Variants in PHACTR3 observed in about 807,000 individuals in gnomAD.
PHACTR3 encodes the protein protein phosphatase 1, regulatory subunit 123.
Under a neutral mutation model 66.8 loss-of-function variants are expected in PHACTR3, and 16 were observed. The observed-to-expected ratio is 0.24, with a 90% CI of 0.16 to 0.36. The LOEUF (loss-of-function observed/expected upper bound fraction) is 0.36. PHACTR3 is among the 10% of genes least tolerant of loss of function. The pLI is 1.00. For synonymous variants in PHACTR3, 323 were observed against 292.1 expected (o/e 1.11, Z -1.08); for missense variants, 647 against 719.9 (o/e 0.90, Z 1.16).
intron 1 of PHACTR3, among the ~76,000 whole-genome samples, chr20:59,704,632 T>G (rs2037633740): frequency 6.6e-6 from 1 of 150,696 alleles, no homozygotes; most frequent in Non-Finnish European, 1.5e-5. Flanking sequence ...TTTTTTACAT[T>G]ATACTAAATT....
At position 59,823,527 on chromosome 20, in the gene PHACTR3, G is replaced by A. The variant is rs527678110; in HGVS notation, c.1329-12978G>A. Among the ~76,000 whole-genome samples the A allele has an allele frequency of 2.0e-4, 31 of 152,320 alleles. No individual in the cohort carries two copies. The South Asian group carries it at 2.1e-3, about 10-fold the overall frequency. Reference sequence around the variant, plus strand: ...CCATACAGATGTCACTTGTTTGGCCGTCACTTTGAGGTAGAATCCAAGGAC... The same window carrying A: ...CCATACAGATGTCACTTGTTTGGCCATCACTTTGAGGTAGAATCCAAGGAC... On this transcript the variant is annotated intron_variant, in intron 8 of 12. Coordinates refer to ENST00000371015, the MANE Select transcript of PHACTR3 (RefSeq NM_080672.5).
intron 1 of PHACTR3, among the ~76,000 whole-genome samples, chr20:59,680,913 C>T (rs1178126016): frequency 6.6e-6 from 1 of 152,196 alleles, no homozygotes; most frequent in South Asian, 2.1e-4. Context: ...TTGGAACACA[C>T]ATTCAGGTGC....
At chr20:59,578,028 C>T (rs2032763187) in intron 1 of PHACTR3, among the ~76,000 whole-genome samples, 1 of 152,252 alleles carries the variant, frequency 6.6e-6, no homozygotes, top group African/African-American at 2.4e-5. Context: ...ATGGACAGCG[C>T]TGGCCACCCA....
intron 1 of PHACTR3, among the ~76,000 whole-genome samples, chr20:59,634,748 T>C (rs892491395): frequency 1.4e-4 from 21 of 152,340 alleles, no homozygotes; most frequent in Middle Eastern, 3.4e-3. Flanking sequence ...CAGAACGTCC[T>C]GTGATGATGG....
intron 7 of PHACTR3, among the ~76,000 whole-genome samples, chr20:59,775,484 G>A (rs1202983847): frequency 1.3e-5 from 2 of 152,120 alleles, no homozygotes; most frequent in African/African-American, 2.4e-5. Flanking sequence ...TGGATAGACC[G>A]GCAGCCCAGG....
intron 12 of PHACTR3, among the ~76,000 whole-genome samples, chr20:59,845,903 T>C (rs2059138996): frequency 6.6e-6 from 1 of 152,210 alleles, no homozygotes; most frequent in African/African-American, 2.4e-5. Context: ...ATGCAAGGGA[T>C]GACACTGGGC....
At position 59,798,834 on chromosome 20, in the gene PHACTR3, C is replaced by G. The variant is rs77765056; in HGVS notation, c.1175-7207C>G. 3.7e-3 allele frequency among the ~76,000 whole-genome samples: 564 copies of G among 151,914 alleles called. 2 individuals are homozygous for G. The highest frequency in any genetic ancestry group is 6.6e-3 in the Non-Finnish European group (446 of 67,890). On this transcript the variant is annotated intron_variant, in intron 7 of 12. Transcript: ENST00000371015. ...TGGTTTCTGCTTTGATCCTTATTATCTTTTTCTTCTACTCTTGTGGTTTAT... is the reference window on the plus strand; with the variant it reads ...TGGTTTCTGCTTTGATCCTTATTATGTTTTTCTTCTACTCTTGTGGTTTAT...
At chr20:59,602,942 G>C (rs1051681858), upstream of PHACTR3, among the ~76,000 whole-genome samples, 1 of 152,186 alleles carries the variant, frequency 6.6e-6, no homozygotes, top group South Asian at 2.1e-4. Flanking sequence ...TGTAACCTGG[G>C]CAAGAGTGCT....
intron 1 of PHACTR3, among the ~76,000 whole-genome samples, chr20:59,724,638 G>C (rs1257296185): frequency 6.6e-6 from 1 of 152,158 alleles, no homozygotes; most frequent in Middle Eastern, 3.2e-3. Flanking sequence ...GTCACCCAAT[G>C]CTGTGTGATC....
At chr20:59,690,121 C>A (rs1313527774) in intron 1 of PHACTR3, among the ~76,000 whole-genome samples, 1 of 152,256 alleles carries the variant, frequency 6.6e-6, no homozygotes, top group South Asian at 2.1e-4. Context: ...ACAAAACACC[C>A]AAATTCCTCA....
At chr20:59,828,229 T>C (rs1449115957) in intron 8 of PHACTR3, among the ~76,000 whole-genome samples, 7 of 152,090 alleles carry the variant, frequency 4.6e-5, no homozygotes, top group South Asian at 2.1e-4. Context: ...CTCCCACAGA[T>C]TGGGGAGGGA....
At chr20:59,645,365 A>T (rs749455925) in intron 1 of PHACTR3, among the ~76,000 whole-genome samples, 2 of 151,956 alleles carry the variant, frequency 1.3e-5, no homozygotes, top group Non-Finnish European at 2.9e-5. Context: ...TTGTGGAATC[A>T]TGAGGGAGGT....
At chr20:59,605,863 G>GTGGT (rs2033650719) in intron 1 of PHACTR3, among the ~76,000 whole-genome samples, 1 of 140,472 alleles carries the variant, frequency 7.1e-6, no homozygotes, top group Non-Finnish European at 1.6e-5. Flanking sequence ...GGAGGTGGGG[G>GTGGT]GGGGGGTGGG....
chr20:59,809,312 C>T (rs920535862), intron 8 of PHACTR3, among the ~76,000 whole-genome samples: 19 of 152,094 alleles, frequency 1.2e-4, no homozygotes, highest in Non-Finnish European at 1.9e-4. Context: ...TTTCTACCAG[C>T]GGTTGGGACA....
intron 1 of PHACTR3, among the ~76,000 whole-genome samples, chr20:59,612,093 A>G (rs1647108480): frequency 1.3e-5 from 2 of 152,114 alleles, no homozygotes; most frequent in South Asian, 2.1e-4. Context: ...GGCAGCATAT[A>G]TGGGAGGATA....
chr20:59,590,434 C>T (rs1048784081), intron 1 of PHACTR3, among the ~76,000 whole-genome samples: 15 of 152,176 alleles, frequency 9.9e-5, no homozygotes, highest in Admixed American at 5.2e-4. Flanking sequence ...TCCTGGTTGC[C>T]GGTTTCAGTC....
At chr20:59,819,511 G>A (rs1051639587) in intron 8 of PHACTR3, among the ~76,000 whole-genome samples, 5 of 151,220 alleles carry the variant, frequency 3.3e-5, no homozygotes, top group African/African-American at 9.7e-5. Flanking sequence ...ACTCCAGCCC[G>A]GGCAACAGAT....
chr20:59,645,508 C>T (rs998555319), intron 1 of PHACTR3, among the ~76,000 whole-genome samples: 4 of 152,108 alleles, frequency 2.6e-5, no homozygotes, highest in Admixed American at 6.5e-5. Flanking sequence ...TCCCTGGCCT[C>T]GGAGGCTAAA....
At chr20:59,721,051 C>G (rs1300602467) in intron 1 of PHACTR3, among the ~76,000 whole-genome samples, 1 of 152,186 alleles carries the variant, frequency 6.6e-6, no homozygotes, top group Non-Finnish European at 1.5e-5. Flanking sequence ...TTGTTATTGC[C>G]AGGCACCATG....
Sources: allele counts gnomAD v4.1 joint callset (sites outside exome capture counted in the v4.1 genomes callset), GRCh38; gene constraint gnomAD v4.1.1; transcripts MANE v1.5; gene names NCBI Gene and HGNC (gene_info 2026-07-23, HGNC 2026-07-21).